RAB9B: variants seen among roughly 807,000 people sequenced by gnomAD.
RAB9B encodes ras-related protein Rab-9B.
A neutral mutation model predicts 8.9 loss-of-function variants in RAB9B; 1 was observed. That is an observed-to-expected ratio of 0.11 (90% CI 0.04 to 0.53). The LOEUF is 0.53. Ranked by LOEUF, RAB9B falls within the 20% of genes least tolerant of loss-of-function variation. The pLI is 0.93. For missense variants in RAB9B, 82 were observed against 152.9 expected (o/e 0.54, Z 2.45); for synonymous variants, 63 against 57.0 (o/e 1.10, Z -0.47).
At chrX:103,807,013 G>A in the RAB9B span, among the ~76,000 whole-genome samples, 5 of 111,885 alleles carry the variant, frequency 4.5e-5, no homozygotes, top group Non-Finnish European at 9.4e-5. Flanking sequence ...GGTCCTCGTG[G>A]CCCAAAGCCT....
At position 103,825,773 on chromosome X, in the gene RAB9B, T is replaced by C; in HGVS notation, c.12A>G (p.Lys4=). 1.7e-6 allele frequency: 2 copies of C among 1,174,391 alleles called. No homozygotes were observed. The highest frequency in any genetic ancestry group is 2.3e-6 in the Non-Finnish European group (2 of 877,778). Residue 4 remains lysine, a synonymous_variant, in exon 3 of 3, where the codon AAA becomes AAG. Transcript: ENST00000243298. MSG[K]SLLLKVILLG... ...AGAGAATGACCTTTAAGAGCAGGGATTTCCCACTCATTTTTGCAGCACCAG... is the reference window on the plus strand; with the variant it reads ...AGAGAATGACCTTTAAGAGCAGGGACTTCCCACTCATTTTTGCAGCACCAG...
At chrX:103,816,517 A>G in the RAB9B span, among the ~76,000 whole-genome samples, 1 of 112,189 alleles carries the variant, frequency 8.9e-6, no homozygotes, top group Admixed American at 9.5e-5. Context: ...GGACATAGGC[A>G]TGGGCAAAGA....
the RAB9B span, among the ~76,000 whole-genome samples, chrX:103,802,009 T>C: frequency 9.0e-6 from 1 of 111,312 alleles, no homozygotes; most frequent in Non-Finnish European, 1.9e-5. Flanking sequence ...GTGCAACTTA[T>C]GTAACCACTA....
chrX:103,781,201 C>T, the RAB9B span: 20 of 261,390 alleles, frequency 7.7e-5, no homozygotes, highest in African/African-American at 4.3e-4. Context: ...GTCCTTGAGG[C>T]GGGCCCAGGG....
chrX:103,815,137 A>G, the RAB9B span, among the ~76,000 whole-genome samples: 9 of 112,124 alleles, frequency 8.0e-5, no homozygotes, highest in Non-Finnish European at 1.7e-4. Context: ...AGACACAACA[A>G]AAAAAGAGAA....
chrX:103,817,690 A>G (rs1322616251), downstream of RAB9B, among the ~76,000 whole-genome samples: 2 of 110,778 alleles, frequency 1.8e-5, no homozygotes, highest in South Asian at 7.6e-4. Context: ...TGTGGTTGAA[A>G]GTGGAACTGT....
At chrX:103,776,869 T>C in the RAB9B span, 1 of 658,320 alleles carries the variant, frequency 1.5e-6, no homozygotes, top group Non-Finnish European at 2.4e-6. Flanking sequence ...AGGACAAAGA[T>C]ACTCAGAGAG....
the RAB9B span, among the ~76,000 whole-genome samples, chrX:103,781,604 A>G: frequency 8.9e-6 from 1 of 112,378 alleles, no homozygotes; most frequent in Non-Finnish European, 1.9e-5. Context: ...TGGCCTTTTA[A>G]TTCCCTTCTG....
At chrX:103,826,377 TA>T (rs1361623669) in intron 2 of RAB9B, among the ~76,000 whole-genome samples, 1 of 112,094 alleles carries the variant, frequency 8.9e-6, no homozygotes, top group Non-Finnish European at 1.9e-5. Flanking sequence ...TACCCCATTA[TA>T]CTTGCATTGA....
chrX:103,781,218 A>G, the RAB9B span: 1 of 297,388 alleles, frequency 3.4e-6, no homozygotes, highest in Non-Finnish European at 6.7e-6. Flanking sequence ...AGGGCATGGG[A>G]AAGGAGGGAG....
chrX:103,785,818 A>T, the RAB9B span: 3 of 1,054,154 alleles, frequency 2.8e-6, no homozygotes, highest in South Asian at 5.6e-5. Flanking sequence ...CCCTCTCTCC[A>T]TCCTGGAGAT....
At chrX:103,804,846 T>C in the RAB9B span, among the ~76,000 whole-genome samples, 4 of 111,790 alleles carry the variant, frequency 3.6e-5, no homozygotes, top group African/African-American at 1.3e-4. Context: ...ATGACTGATT[T>C]TTGTGTGTTG....
At chrX:103,800,127 C>T in the RAB9B span, among the ~76,000 whole-genome samples, 2 of 111,541 alleles carry the variant, frequency 1.8e-5, no homozygotes, top group African/African-American at 3.3e-5. Flanking sequence ...TTTTAAAAGC[C>T]GTCCTATGCA....
the RAB9B span, chrX:103,785,521 G>T: frequency 9.8e-7 from 1 of 1,022,375 alleles, no homozygotes. Flanking sequence ...TGGCAGAGGG[G>T]TTTGAGTGGC....
chrX:103,798,949 A>G, the RAB9B span, among the ~76,000 whole-genome samples: 1,323 of 109,252 alleles, frequency 0.012, 26 homozygotes, highest in African/African-American at 0.042. Context: ...CCAAACTAAA[A>G]TATTTTTACA....
chrX:103,781,596 GC>G, the RAB9B span, among the ~76,000 whole-genome samples: 1 of 112,305 alleles, frequency 8.9e-6, no homozygotes, highest in African/African-American at 3.2e-5. Context: ...AAAGGGACTG[GC>G]CTTTTAATTC....
chrX:103,826,320 A>G (rs1308207206), intron 2 of RAB9B, among the ~76,000 whole-genome samples: 1 of 111,886 alleles, frequency 8.9e-6, no homozygotes, highest in Non-Finnish European at 1.9e-5. Context: ...ATTAGACTGC[A>G]CCCCAGAATT....
At chrX:103,805,512 G>A in the RAB9B span, among the ~76,000 whole-genome samples, 54 of 111,512 alleles carry the variant, frequency 4.8e-4, no homozygotes, top group Middle Eastern at 9.2e-3. Context: ...CATAGAATGA[G>A]TTGGGAAATG....
the RAB9B span, among the ~76,000 whole-genome samples, chrX:103,808,170 G>A: frequency 8.9e-6 from 1 of 111,932 alleles, no homozygotes; most frequent in Admixed American, 9.5e-5. Flanking sequence ...ATGCCATGAA[G>A]ACCATGGGCT....
Sources: allele counts gnomAD v4.1 joint callset (sites outside exome capture counted in the v4.1 genomes callset), GRCh38; gene constraint gnomAD v4.1.1; transcripts MANE v1.5; gene names NCBI Gene and HGNC (gene_info 2026-07-23, HGNC 2026-07-21).